The following DNAH6 variants were observed in gnomAD, a reference collection of about 807,000 sequenced individuals.
DNAH6 encodes dynein axonemal heavy chain 6, also known as axonemal beta dynein heavy chain 6.
A neutral mutation model predicts 491.4 loss-of-function variants in DNAH6; 340 were observed. The observed-to-expected ratio is 0.69, with a 90% CI of 0.63 to 0.76. DNAH6 has a LOEUF of 0.76. DNAH6 is among the 30% of genes least tolerant of loss of function. The pLI is 0.00. For missense variants in DNAH6, 4,443 were observed against 4,972.2 expected (o/e 0.89, Z 3.20); for synonymous variants, 1,603 against 1,686.1 (o/e 0.95, Z 1.21).
chr2:84,815,343 T>C (rs78614567), intron 75 of DNAH6, among the ~76,000 whole-genome samples: 279 of 151,394 alleles, frequency 1.8e-3, no homozygotes, highest in African/African-American at 6.2e-3. Context: ...CCACTCAGGG[T>C]TTGAGGAAGG....
intron 9 of DNAH6, among the ~76,000 whole-genome samples, chr2:84,550,377 G>T (rs928865897): frequency 1.3e-5 from 2 of 152,130 alleles, no homozygotes; most frequent in Non-Finnish European, 2.9e-5. Context: ...AGAATCTAAT[G>T]ACGCCACTGT....
At chr2:84,633,173 T>G (rs1573298690) in intron 29 of DNAH6, among the ~76,000 whole-genome samples, 1 of 152,290 alleles carries the variant, frequency 6.6e-6, no homozygotes, top group Non-Finnish European at 1.5e-5. Flanking sequence ...AGTAGTACAT[T>G]TCAGTGGGTT....
chr2:84,713,484 C>CT (rs1697245268), intron 57 of DNAH6, among the ~76,000 whole-genome samples: 1 of 152,232 alleles, frequency 6.6e-6, no homozygotes, highest in Non-Finnish European at 1.5e-5. Context: ...TTGCAAGCCC[C>CT]TACCCACTGG....
At chr2:84,521,948 C>T (rs12336779) in intron 2 of DNAH6, among the ~76,000 whole-genome samples, 1 of 152,230 alleles carries the variant, frequency 6.6e-6, no homozygotes, top group African/African-American at 2.4e-5. Context: ...ATTGCCTTGG[C>T]TATTCAGCCT....
Position 84,771,003 on chromosome 2 carries a change from TG to T in DNAH6, c.10703+8063del, listed in dbSNP as rs1675550875. 3.4e-5 allele frequency among the ~76,000 whole-genome samples: 5 copies of T among 145,878 alleles called. No homozygotes were observed. In the South Asian group the frequency reaches 1.1e-3, roughly 32 times the overall value. ...AGATCCTCTGTCAAAAAAAAAAAAA[TG>T]GGGGCCCAGCGTGGTGGCTCACACC... On this transcript the variant is annotated intron_variant, in intron 64 of 76. Transcript: ENST00000389394.
intron 4 of DNAH6, among the ~76,000 whole-genome samples, chr2:84,536,317 T>C (rs566363506): frequency 1.6e-4 from 24 of 152,190 alleles, no homozygotes; most frequent in Admixed American, 7.9e-4. Flanking sequence ...TTTGACCACC[T>C]GAATAGCTTA....
chr2:84,710,685 T>G (rs1333102567), intron 56 of DNAH6, among the ~76,000 whole-genome samples: 2 of 152,168 alleles, frequency 1.3e-5, no homozygotes, highest in Non-Finnish European at 2.9e-5. Context: ...TTATGGCCCT[T>G]GATGGTGAGC....
intron 23 of DNAH6, among the ~76,000 whole-genome samples, chr2:84,617,277 C>T (rs1028509966): frequency 5.9e-5 from 9 of 151,878 alleles, no homozygotes; most frequent in Non-Finnish European, 8.8e-5. Flanking sequence ...TTGACATAGG[C>T]GTGTAATGCA....
chr2:84,519,697 ACT>A (rs1209691021), intron 2 of DNAH6, among the ~76,000 whole-genome samples: 32 of 120,452 alleles, frequency 2.7e-4, no homozygotes, highest in African/African-American at 1.0e-3. Context: ...TCCTTCTCCT[ACT>A]CTCTTTCTTT....
chr2:84,758,831 C>A (rs1033404387), intron 63 of DNAH6, among the ~76,000 whole-genome samples: 5 of 152,114 alleles, frequency 3.3e-5, no homozygotes, highest in Non-Finnish European at 4.4e-5. Flanking sequence ...TCACAGCCAA[C>A]ATTACATTGA....
intron 11 of DNAH6, among the ~76,000 whole-genome samples, chr2:84,565,804 A>G (rs1267547876): frequency 2.6e-5 from 4 of 152,014 alleles, no homozygotes; most frequent in Non-Finnish European, 5.9e-5. Context: ...TATATTTAGA[A>G]TAGCCAAGTC....
chr2:84,505,613 G>T, the DNAH6 span, among the ~76,000 whole-genome samples: 1 of 151,934 alleles, frequency 6.6e-6, no homozygotes, highest in Non-Finnish European at 1.5e-5. Context: ...CAACATGCAG[G>T]TTAGTTACAT....
At chr2:84,562,965 A>G (rs935570073) in intron 11 of DNAH6, among the ~76,000 whole-genome samples, 9 of 152,122 alleles carry the variant, frequency 5.9e-5, no homozygotes, top group Non-Finnish European at 1.0e-4. Flanking sequence ...GTAGGAGGTA[A>G]TTGAATCATG....
At chr2:84,553,686 T>C (rs1219368031) in intron 10 of DNAH6, among the ~76,000 whole-genome samples, 1 of 128,998 alleles carries the variant, frequency 7.8e-6, no homozygotes, top group Non-Finnish European at 1.5e-5. Context: ...GCCAGGCAGG[T>C]CTTGAACTCC....
chr2:84,791,679 CAT>C (rs1360850957), intron 68 of DNAH6, among the ~76,000 whole-genome samples: 13 of 149,662 alleles, frequency 8.7e-5, no homozygotes, highest in African/African-American at 9.8e-5. Flanking sequence ...TAAGAATAGA[CAT>C]ATTTTCAATA....
At chr2:84,795,406 G>T (rs140744882) in intron 68 of DNAH6, among the ~76,000 whole-genome samples, 2,339 of 152,122 alleles carry the variant, frequency 0.015, 45 homozygotes, top group Admixed American at 0.044. Flanking sequence ...AATATTCAAT[G>T]AAATGTTATT....
At chr2:84,609,516 G>A (rs962315191) in intron 21 of DNAH6, among the ~76,000 whole-genome samples, 6 of 151,986 alleles carry the variant, frequency 3.9e-5, no homozygotes, top group African/African-American at 1.4e-4. Context: ...ATGAGATGGG[G>A]AACAGGGGAA....
At chr2:84,531,962 T>C (rs988987395) in intron 4 of DNAH6, among the ~76,000 whole-genome samples, 2 of 152,172 alleles carry the variant, frequency 1.3e-5, no homozygotes, top group Non-Finnish European at 2.9e-5. Context: ...TATTTGGTGA[T>C]TTTAAAACAT....
chr2:84,513,455 G>A (rs1675410394), upstream of DNAH6, among the ~76,000 whole-genome samples: 1 of 151,848 alleles, frequency 6.6e-6, no homozygotes, highest in Admixed American at 6.6e-5. Context: ...GTGGAAGGAT[G>A]GACTTTTAGA....
Sources: gnomAD v4.1 joint callset for allele counts (sites outside exome capture counted in the v4.1 genomes callset) on GRCh38, gnomAD v4.1.1 for gene constraint, MANE v1.5 for transcripts, NCBI Gene and HGNC (gene_info 2026-07-23, HGNC 2026-07-21) for gene names.